SIGLEC15: variants seen among roughly 807,000 people sequenced by gnomAD.
The protein encoded by SIGLEC15 is sialic acid binding Ig like lectin 15.
A neutral mutation model predicts 26.2 loss-of-function variants in SIGLEC15; 31 were observed. The ratio of observed to expected loss-of-function variants is 1.18; its 90% CI spans 0.89 to 1.60. SIGLEC15 has a LOEUF of 1.60. Among genes scored for constraint, SIGLEC15 ranks in the 40% most tolerant of loss-of-function variants. SIGLEC15 has a pLI of 0.00. For missense variants in SIGLEC15, 501 were observed against 488.4 expected, an observed-to-expected ratio of 1.03 and a Z score of -0.24; for synonymous variants, 207 against 221.9, an observed-to-expected ratio of 0.93 and a Z score of 0.60.
chr18:45,829,644 CCT>C lies in SIGLEC15; in HGVS notation c.52+3865_52+3866del, dbSNP rs1475042223. Among the ~76,000 whole-genome samples, 3 of 152,262 alleles carry C rather than the reference CCT, an allele frequency of 2.0e-5. No homozygotes were observed. In the East Asian group the frequency reaches 5.8e-4, roughly 29 times the overall value. ...CCCCGGAGCCACACTCCTGGAGCAC[CCT>C]GTTAGCATGCCCAGGTGCCCTCAAG... is the stretch of plus-strand genomic sequence containing the variant. On this transcript the variant is annotated intron_variant, in intron 1 of 5. Transcript: ENST00000389474.
chr18:45,838,649 C>T, intron 3 of SIGLEC15, 69 bp from the exon 4 acceptor site: 2 of 1,450,906 alleles, frequency 1.4e-6, no homozygotes, highest in South Asian at 1.4e-5. Flanking sequence ...CCCACCCCTC[C>T]GGCTCTGGCG....
At position 45,840,162 on chromosome 18, in the gene SIGLEC15, C is replaced by T. The variant is rs769829923; in HGVS notation, c.875-49C>T. Reference sequence around the variant, plus strand: ...TGGGTGGGGGTGGGCGCACAGGCTGCAGACTGCGGTGGAGATTCATGCCTG... The same window carrying T: ...TGGGTGGGGGTGGGCGCACAGGCTGTAGACTGCGGTGGAGATTCATGCCTG... On this transcript the variant is annotated intron_variant, in intron 4 of 5. Transcript: ENST00000389474. The T allele has an allele frequency of 3.1e-6, 5 of 1,606,596 alleles. No homozygotes were observed. In the Admixed American group the frequency reaches 8.5e-5, roughly 27 times the overall value.
At position 45,839,094 on chromosome 18, in the gene SIGLEC15, A is replaced by G. The variant is rs1014705327; in HGVS notation, c.873A>G (p.Pro291=). The G allele has an allele frequency of 1.6e-5, 23 of 1,401,396 alleles. No individual in the cohort carries two copies. The highest frequency in any genetic ancestry group is 3.0e-5 in the East Asian group (1 of 33,566). 86.8% of individuals were successfully genotyped at this position (1,401,396 alleles called of 1,614,324 possible). A position where few individuals can be genotyped will look rare whatever the true frequency, so the allele number is the denominator to read the frequency against. Residue 291 remains proline, a splice_region_variant and synonymous_variant, in exon 4 of 6, where the codon CCA becomes CCG. Transcript: ENST00000389474. The part of the protein sequence containing the change: ...VLAARAARRR[P]EHLDTPDTPP... ...CCGCCCGCGCTGCCCGCCGCCGCCC[A>G]GGTGGGTGCGCCCCAGACACGGGTG...
At chr18:45,839,682 G>GT (rs1009476963) in intron 4 of SIGLEC15, among the ~76,000 whole-genome samples, 9 of 152,234 alleles carry the variant, frequency 5.9e-5, no homozygotes, top group African/African-American at 2.2e-4. Context: ...ATAAAAATAT[G>GT]TAAGTAGGCA....
At chr18:45,840,121 C>A in intron 4 of SIGLEC15, 90 bp from the exon 5 acceptor site, 1 of 1,455,656 alleles carries the variant, frequency 6.9e-7, no homozygotes, top group Non-Finnish European at 9.5e-7. Context: ...TTCCTCGAGA[C>A]CCCTTCCACA....
At chr18:45,836,710 C>CA (rs2048278898) in intron 1 of SIGLEC15, among the ~76,000 whole-genome samples, 1 of 152,252 alleles carries the variant, frequency 6.6e-6, no homozygotes, top group South Asian at 2.1e-4. Context: ...CCTGCCCAGG[C>CA]ACTAGGGAAG....
In SIGLEC15 at chr18:45,834,221, T is replaced by A. The variant is rs149902586; in HGVS notation, c.53-2808T>A. On this transcript the variant is annotated intron_variant, in intron 1 of 5. Transcript: ENST00000389474. ...ACCCCTACTCTAACCACCCCTACCC[T>A]CTCCTGTCAGCCTGGACACCCACCC... 7.2e-5 allele frequency among the ~76,000 whole-genome samples: 11 copies of A among 152,072 alleles called. No homozygotes were observed. In the East Asian group the frequency reaches 1.9e-3, roughly 27 times the overall value.
At position 45,827,136 on chromosome 18, in the gene SIGLEC15, G is replaced by A. The variant is rs138469991; in HGVS notation, c.52+1356G>A. Among the ~76,000 whole-genome samples, 692 of 152,272 alleles carry A rather than the reference G, an allele frequency of 4.5e-3. 5 individuals carry two copies. The highest frequency in any genetic ancestry group is 0.015 in the African/African-American group (639 of 41,558). ...TTGCCACGTTGTCCAGCCTGGTCTC[G>A]AACTCCTGACCTCAAGTGATCAGCC... is the stretch of plus-strand genomic sequence containing the variant. On this transcript the variant is annotated intron_variant, in intron 1 of 5. Transcript: ENST00000389474.
In SIGLEC15 at chr18:45,837,643, G is replaced by A. The variant is rs767752150; in HGVS notation, c.243G>A (p.Trp81Ter). 2 of 1,506,870 alleles carry A rather than the reference G, an allele frequency of 1.3e-6. No individual in the cohort carries two copies. The highest frequency in any genetic ancestry group is 2.5e-5 in the South Asian group (2 of 81,018). 93.3% of individuals were successfully genotyped at this position (1,506,870 alleles called of 1,614,324 possible). The change falls in exon 3 of 6, where the codon TGG (tryptophan) becomes TGA (stop). Residue 81 changes from tryptophan to a stop codon, truncating the protein, a stop_gained. Coordinates refer to ENST00000389474, the MANE Select transcript of SIGLEC15 (RefSeq NM_213602.3). LOFTEE classifies it high-confidence loss of function. ...RHYDGPLTAI[W>*]RAGEPYAGPQ... The stretch of plus-strand genomic sequence containing the variant: ...ACGACGGGCCGCTGACGGCCATCTG[G>A]CGCGCGGGCGAGCCCTATGCGGGCC...
At chr18:45,825,876 G>C in intron 1 of SIGLEC15, 96 bp downstream of exon 1, 1 of 1,459,922 alleles carries the variant, frequency 6.8e-7, no homozygotes, top group African/African-American at 1.4e-5. Flanking sequence ...GGAAGCAGGT[G>C]TGCAGAGCCT....
rs560092235 is a variant in SIGLEC15 at position 45,839,103 on chromosome 18, C to A, written c.874+8C>A. The A allele has an allele frequency of 1.0e-3, 1,409 of 1,388,870 alleles. 4 individuals are homozygous for A. The highest frequency in any genetic ancestry group is 1.2e-3 in the Non-Finnish European group (1,300 of 1,083,142). 86.0% of individuals were successfully genotyped at this position (1,388,870 alleles called of 1,614,324 possible). A position where few individuals can be genotyped will look rare whatever the true frequency, so the allele number is the denominator to read the frequency against. Reference sequence around the variant, plus strand: ...CTGCCCGCCGCCGCCCAGGTGGGTGCGCCCCAGACACGGGTGGCCGCGAGG... The same window carrying A: ...CTGCCCGCCGCCGCCCAGGTGGGTGAGCCCCAGACACGGGTGGCCGCGAGG... On this transcript the variant is annotated splice_region_variant and intron_variant, in intron 4 of 5. Transcript: ENST00000389474.
At chr18:45,842,008 G>C in intron 5 of SIGLEC15, 98 bp from the exon 6 acceptor site, 2 of 1,120,606 alleles carry the variant, frequency 1.8e-6, no homozygotes, top group Non-Finnish European at 2.7e-6. Context: ...CTGCTCCCCA[G>C]AATGTCTCCT....
intron 1 of SIGLEC15, among the ~76,000 whole-genome samples, chr18:45,833,178 C>T (rs1357763688): frequency 6.6e-6 from 1 of 152,116 alleles, no homozygotes; most frequent in Non-Finnish European, 1.5e-5. Flanking sequence ...ACAAAGGAGG[C>T]AAAACTACCC....
At chr18:45,830,583 CTTTTTTTT>C (rs56404391) in intron 1 of SIGLEC15, among the ~76,000 whole-genome samples, 5 of 96,702 alleles carry the variant, frequency 5.2e-5, no homozygotes, top group Admixed American at 1.4e-4. Context: ...ATTTTTCTTT[CTTTTTTTT>C]TTTTTTTTTT....
At chr18:45,838,016 C>G in intron 3 of SIGLEC15, 120 bp downstream of exon 3, 2 of 1,250,328 alleles carry the variant, frequency 1.6e-6, no homozygotes, top group South Asian at 1.7e-5. Context: ...AGACCCAGCC[C>G]TCTCCTCTAC....
rs1267224394 is a variant in SIGLEC15, at chr18:45,836,317, G to A, written c.53-712G>A. Among the ~76,000 whole-genome samples, 4 of 152,142 alleles carry A rather than the reference G, an allele frequency of 2.6e-5. No homozygotes were observed. In the East Asian group the frequency reaches 7.7e-4, roughly 29 times the overall value. ...GAGGGTCACATGACATGGTATCTAT[G>A]AAAGCACTGTGTAAACTGCAAAGCC... On this transcript the variant is annotated intron_variant, in intron 1 of 5. Coordinates refer to ENST00000389474, the MANE Select transcript of SIGLEC15 (RefSeq NM_213602.3).
At chr18:45,836,030 G>A (rs1018555305) in intron 1 of SIGLEC15, among the ~76,000 whole-genome samples, 3 of 152,176 alleles carry the variant, frequency 2.0e-5, no homozygotes, top group African/African-American at 7.2e-5. Flanking sequence ...CGGAGATTTT[G>A]GTTCTGTGCA....
At position 45,838,826 on chromosome 18, in the gene SIGLEC15, C is replaced by T; in HGVS notation, c.605C>T (p.Pro202Leu). The T allele has an allele frequency of 1.9e-6, 3 of 1,562,906 alleles. No homozygotes were observed. Among genetic ancestry groups the T allele is most frequent in the African/African-American group, 1.4e-5 (1 of 73,936 alleles). Reference protein sequence around the residue: ...EPPPALAWSGPALGNSLAAVR... With the variant: ...EPPPALAWSGLALGNSLAAVR... ...CCGCCCGCCCTCGCCTGGTCCGGCC[C>T]GGCCCTGGGCAACAGCTTGGCAGCC... is the stretch of plus-strand genomic sequence containing the variant. The change falls in exon 4 of 6, where the codon CCG becomes CTG. Residue 202 changes from proline to leucine, a missense_variant. By Grantham distance (98) the Pro-to-Leu change is moderately conservative (BLOSUM62 -3). Coordinates refer to ENST00000389474, the MANE Select transcript of SIGLEC15 (RefSeq NM_213602.3).
chr18:45,840,964 TCA>T (rs1463134328), intron 5 of SIGLEC15: 1 of 152,362 alleles, frequency 6.6e-6, no homozygotes, highest in Admixed American at 6.5e-5. Flanking sequence ...CGACCGTTGT[TCA>T]GTCATTTAAC....
Sources: gnomAD v4.1 joint callset for allele counts (sites outside exome capture counted in the v4.1 genomes callset) on GRCh38, gnomAD v4.1.1 for gene constraint, MANE v1.5 for transcripts, NCBI Gene and HGNC (gene_info 2026-07-23, HGNC 2026-07-21) for gene names.